The following TP53BP1 variants were observed in gnomAD, a reference collection of about 807,000 sequenced individuals.
TP53BP1 encodes tumor protein p53 binding protein 1, also known as TP53-binding protein 1.
In TP53BP1, 61 loss-of-function variants were observed where a neutral mutation model predicts 200.8. The ratio of observed to expected loss-of-function variants is 0.30; its 90% CI spans 0.25 to 0.38. TP53BP1 has a LOEUF of 0.38. TP53BP1 is among the 10% of genes least tolerant of loss of function. TP53BP1 has a pLI of 1.00. For missense variants in TP53BP1, 2,144 were observed against 2,371.9 expected, an observed-to-expected ratio of 0.90 and a Z score of 2.00; for synonymous variants, 822 against 844.3, an observed-to-expected ratio of 0.97 and a Z score of 0.46.
Position 43,477,658 on chromosome 15 carries a change from T to C in TP53BP1, c.890A>G (p.Gln297Arg). 6.2e-7 allele frequency: 1 copy of C among 1,613,982 alleles called. No homozygotes were observed. Among genetic ancestry groups the C allele is most frequent in the South Asian group, 1.1e-5 (1 of 91,060 alleles). The change falls in exon 8 of 28, where the codon CAG (glutamine) becomes CGG (arginine). Residue 297 changes from glutamine (Q) to arginine (R), a missense_variant. Gln to Arg is a conservative substitution (Grantham distance 43). Coordinates refer to ENST00000382044, the MANE Select transcript of TP53BP1 (RefSeq NM_001141980.3). ...QELMESGLQI[Q>R]KSPEPEVLST... ...CAAAACCTCAGGCTCTGGTGACTTC[T>C]GAATCTGCAGTCCACTTTCCATAAG...
chr15:43,505,397 T>G (rs2079230904), intron 1 of TP53BP1, among the ~76,000 whole-genome samples: 1 of 152,192 alleles, frequency 6.6e-6, no homozygotes, highest in African/African-American at 2.4e-5. Flanking sequence ...TTGCTCAGAT[T>G]AAAAGAAAAG....
chr15:43,468,452 T>C (rs1167800151), intron 11 of TP53BP1, among the ~76,000 whole-genome samples: 1 of 147,892 alleles, frequency 6.8e-6, no homozygotes, highest in African/African-American at 2.5e-5. Flanking sequence ...GATGCTGAGG[T>C]GGGAGGATCA....
At chr15:43,460,789 G>A (rs886850945) in intron 11 of TP53BP1, among the ~76,000 whole-genome samples, 6 of 151,824 alleles carry the variant, frequency 4.0e-5, no homozygotes, top group Non-Finnish European at 8.8e-5. Context: ...TTGGAAGGCC[G>A]AGGCAGAAGG....
chr15:43,421,997 T>C lies in TP53BP1; in HGVS notation c.3958A>G (p.Thr1320Ala), dbSNP rs2045414255. 1.7e-5 allele frequency: 28 copies of C among 1,614,170 alleles called. No homozygotes were observed. The highest frequency in any genetic ancestry group is 2.4e-5 in the Non-Finnish European group (28 of 1,180,024). ...FSSKASSLHRTSSGTSLSAMH... is the reference protein window; with the variant it reads ...FSSKASSLHRASSGTSLSAMH... ...GCTGAGAGACTTGTCCCACTTGATG[T>C]GCGGTGTAAGCTGGATGCCTTGGAG... Residue 1320 changes from threonine to alanine, a missense_variant, in exon 19 of 28, where the codon ACA (threonine) becomes GCA (alanine). This residue lies in a region of TP53BP1 where 1,700 missense variants were observed against 1,710.3 expected (regional missense o/e 0.99). Transcript: ENST00000382044.
chr15:43,445,093 C>A (rs1445672333), intron 14 of TP53BP1, among the ~76,000 whole-genome samples: 1 of 152,074 alleles, frequency 6.6e-6, no homozygotes, highest in Non-Finnish European at 1.5e-5. Context: ...CTCTCTCAAC[C>A]CTGCATTTCC....
chr15:43,475,821 T>C (rs2078872928), intron 8 of TP53BP1, 127 bp from the exon 9 acceptor site: 7 of 1,188,344 alleles, frequency 5.9e-6, no homozygotes, highest in Non-Finnish European at 8.3e-6. Flanking sequence ...AGGGCAGAAA[T>C]TGTTTTCTAA....
chr15:43,416,379 C>T lies in TP53BP1; in HGVS notation c.4719G>A (p.Leu1573=), dbSNP rs1236135309. Residue 1573 remains leucine, a synonymous_variant, in exon 22 of 28, where the codon CTG becomes CTA. Coordinates refer to ENST00000382044, the MANE Select transcript of TP53BP1 (RefSeq NM_001141980.3). ...VKGHRKESGE[L]YYSIEKEGQR... ...GGCCTTCTTTTTCAATGCTGTAGTA[C>T]AGTTCCCCAGACTCCTTCCTATGTC... The T allele has an allele frequency of 3.7e-6, 6 of 1,614,168 alleles. No homozygotes were observed. The Admixed American group carries it at 6.7e-5, about 18-fold the overall frequency.
chr15:43,436,263 C>T (rs990008480), intron 16 of TP53BP1, among the ~76,000 whole-genome samples: 26 of 151,962 alleles, frequency 1.7e-4, no homozygotes, highest in Admixed American at 2.0e-4. Context: ...AGTGCCACCG[C>T]GCCTGGCTAA....
At chr15:43,409,587 A>G (rs1294395006) in intron 25 of TP53BP1, 60 bp downstream of exon 25, 2 of 971,338 alleles carry the variant, frequency 2.1e-6, no homozygotes, top group African/African-American at 3.3e-5. Context: ...CCTCTTCTCA[A>G]CACAGCAAGT....
intron 4 of TP53BP1, 123 bp downstream of exon 4, chr15:43,491,546 A>C: frequency 1.3e-6 from 1 of 782,568 alleles, no homozygotes; most frequent in Middle Eastern, 2.3e-4. Context: ...ACAACCCTCA[A>C]GTCCCATTTC....
intron 4 of TP53BP1, among the ~76,000 whole-genome samples, chr15:43,488,212 T>C (rs543336537): frequency 1.3e-5 from 2 of 151,928 alleles, no homozygotes; most frequent in African/African-American, 4.8e-5. Flanking sequence ...GATGGGAGGA[T>C]TGCTTGAGCC....
chr15:43,435,771 C>T (rs1166819369), intron 16 of TP53BP1, among the ~76,000 whole-genome samples: 1 of 152,094 alleles, frequency 6.6e-6, no homozygotes, highest in Non-Finnish European at 1.5e-5. Context: ...TCTTGGCTCA[C>T]TGCAACCTCC....
upstream of TP53BP1, chr15:43,497,269 A>G (rs190832195): frequency 2.2e-4 from 45 of 208,606 alleles, no homozygotes; most frequent in Non-Finnish European, 2.7e-4. Context: ...ATTCCCAGCT[A>G]CTCAGGAGGC....
intron 1 of TP53BP1, among the ~76,000 whole-genome samples, chr15:43,505,030 T>A (rs2079229021): frequency 6.6e-6 from 1 of 151,890 alleles, no homozygotes; most frequent in Non-Finnish European, 1.5e-5. Context: ...AAAAAATAAA[T>A]AAATAAAATT....
Position 43,456,194 on chromosome 15 carries a change from T to C in TP53BP1, c.2414A>G (p.Asn805Ser), listed in dbSNP as rs1280008107. 1 of 1,614,224 alleles carries C rather than the reference T, an allele frequency of 6.2e-7. No individual in the cohort carries two copies. Among genetic ancestry groups the C allele is most frequent in the East Asian group, 2.2e-5 (1 of 44,890 alleles). The change falls in exon 12 of 28, where the codon AAT (asparagine) becomes AGT (serine). Residue 805 changes from asparagine to serine, a missense_variant. Transcript: ENST00000382044. Reference sequence around the variant, plus strand: ...CTTTTCTTCCTTGGTGTCTAATCTATTCTCAGCACATGGTTCTATTTCTGG... The same window carrying C: ...CTTTTCTTCCTTGGTGTCTAATCTACTCTCAGCACATGGTTCTATTTCTGG... ...IAPEIEPCAE[N>S]RLDTKEEKSV...
chr15:43,417,613 T>C (rs1431968981), intron 21 of TP53BP1, among the ~76,000 whole-genome samples: 1 of 152,198 alleles, frequency 6.6e-6, no homozygotes, highest in Non-Finnish European at 1.5e-5. Flanking sequence ...CAGTTCACTC[T>C]TGTTACAGAA....
Position 43,446,405 on chromosome 15 carries a change from A to C in TP53BP1, c.3022T>G (p.Leu1008Val). ...AACTTACTTTCCAGGTTGAACTGCAAAGACTCTTCACTCGCCTCAGTCTCA... is the reference window on the plus strand; with the variant it reads ...AACTTACTTTCCAGGTTGAACTGCACAGACTCTTCACTCGCCTCAGTCTCA... ...SPETEASEES[L>V]QFNLEKPATG... Residue 1008 changes from leucine to valine, a missense_variant, in exon 14 of 28, where the codon TTG becomes GTG. By Grantham distance (32) the Leu-to-Val change is conservative (BLOSUM62 1). Transcript: ENST00000382044. The C allele has an allele frequency of 6.2e-7, 1 of 1,614,162 alleles. No homozygotes were observed. The highest frequency in any genetic ancestry group is 1.1e-5 in the South Asian group (1 of 91,082).
At chr15:43,429,558 C>T (rs1335585235) in intron 17 of TP53BP1, among the ~76,000 whole-genome samples, 1 of 151,926 alleles carries the variant, frequency 6.6e-6, no homozygotes, top group Non-Finnish European at 1.5e-5. Flanking sequence ...TTTTTCCTGA[C>T]ATGTGGTAGT....
intron 7 of TP53BP1, 21 bp downstream of exon 7, chr15:43,479,376 T>C: frequency 6.3e-7 from 1 of 1,580,222 alleles, no homozygotes; most frequent in Non-Finnish European, 8.6e-7. Context: ...TCGTAAATCC[T>C]TTTTAGAAAG....
Sources: gnomAD v4.1 joint callset for allele counts (sites outside exome capture counted in the v4.1 genomes callset) on GRCh38, gnomAD v4.1.1 for gene constraint, gnomAD v4.1.1 regional missense constraint, MANE v1.5 for transcripts, NCBI Gene and HGNC (gene_info 2026-07-23, HGNC 2026-07-21) for gene names.